The following XRRA1 variants were observed in gnomAD, a reference collection of about 807,000 sequenced individuals.
XRRA1 encodes the protein X-ray radiation resistance associated 1.
Under a neutral mutation model 80.2 loss-of-function variants are expected in XRRA1, and 69 were observed. That is an observed-to-expected ratio of 0.86 (90% CI 0.71 to 1.05). The LOEUF (loss-of-function observed/expected upper bound fraction) is 1.05, where lower values mean the gene tolerates loss of function less well. Ranked by LOEUF, XRRA1 falls within the 50% of genes least tolerant of loss-of-function variation. XRRA1 has a pLI of 0.00. For missense variants in XRRA1, 967 were observed against 976.4 expected, an observed-to-expected ratio of 0.99 and a Z score of 0.13; for synonymous variants, 348 against 389.9, an observed-to-expected ratio of 0.89 and a Z score of 1.27.
chr11:74,919,225 A>G (rs963004957), intron 8 of XRRA1, among the ~76,000 whole-genome samples: 3 of 152,202 alleles, frequency 2.0e-5, no homozygotes, highest in Non-Finnish European at 2.9e-5. Context: ...ATGAAATAAT[A>G]TGAAACATTT....
intron 8 of XRRA1, chr11:74,919,705 A>T (rs1241435560): frequency 1.9e-6 from 1 of 514,788 alleles, no homozygotes; most frequent in Non-Finnish European, 3.8e-6. Context: ...GGCTTCAAGA[A>T]GCATGCCCCT....
chr11:74,911,012 G>A (rs1004741546), intron 8 of XRRA1, among the ~76,000 whole-genome samples: 2 of 152,124 alleles, frequency 1.3e-5, no homozygotes, highest in African/African-American at 4.8e-5. Flanking sequence ...GGGGATGTGT[G>A]TGAGGAGTTT....
At chr11:74,917,403 T>TA (rs975340789) in intron 8 of XRRA1, among the ~76,000 whole-genome samples, 4 of 152,168 alleles carry the variant, frequency 2.6e-5, no homozygotes, top group Non-Finnish European at 5.9e-5. Context: ...AAACTTTTAA[T>TA]AGAGTGTGAA....
chr11:74,845,333 T>G, intron 15 of XRRA1, 62 bp from the exon 16 acceptor site: 1 of 1,516,208 alleles, frequency 6.6e-7, no homozygotes, highest in Non-Finnish European at 9.0e-7. Context: ...CCATGAACAT[T>G]CGGAGTATCA....
In XRRA1 at chr11:74,851,111, T is replaced by G. The variant is rs368010821; in HGVS notation, c.1357A>C (p.Met453Leu). 1.8e-4 allele frequency: 287 copies of G among 1,611,870 alleles called. No homozygotes were observed. Among genetic ancestry groups the G allele is most frequent in the Non-Finnish European group, 2.4e-4 (279 of 1,178,752 alleles). ...ACCTTCCATGATTCCTTCCGAGACA[T>G]CAAAACATGATGCTTAGGCTTTACT... The part of the protein sequence containing the change: ...KIVKPKHHVL[M>L]SRKESWKVKS... Residue 453 changes from methionine to leucine, a missense_variant, in exon 14 of 19, where the codon ATG (methionine) becomes CTG (leucine). Coordinates refer to ENST00000684022, the MANE Select transcript of XRRA1 (RefSeq NM_001378157.1).
chr11:74,907,014 G>T, intron 9 of XRRA1, 131 bp downstream of exon 9: 1 of 1,270,168 alleles, frequency 7.9e-7, no homozygotes, highest in Non-Finnish European at 1.1e-6. Flanking sequence ...ACTTACCCAT[G>T]GCCACACAGT....
intron 10 of XRRA1, among the ~76,000 whole-genome samples, chr11:74,889,532 G>A (rs1447611295): frequency 2.0e-5 from 3 of 152,148 alleles, no homozygotes; most frequent in African/African-American, 7.2e-5. Flanking sequence ...CATAATGACA[G>A]GATCAAATTC....
intron 10 of XRRA1, among the ~76,000 whole-genome samples, chr11:74,890,954 A>C (rs555574840): frequency 6.6e-5 from 10 of 152,238 alleles, no homozygotes; most frequent in Non-Finnish European, 1.2e-4. Flanking sequence ...ATGGATTCAC[A>C]GCTGAATTCT....
chr11:74,933,759 A>G (rs779224107), intron 5 of XRRA1, 42 bp downstream of exon 5: 300 of 1,547,220 alleles, frequency 1.9e-4, no homozygotes, highest in Non-Finnish European at 2.4e-4. Context: ...CGCCACCTCA[A>G]GTCTGGCTCA....
chr11:74,942,005 T>C (rs953568574), intron 2 of XRRA1, among the ~76,000 whole-genome samples: 3 of 151,730 alleles, frequency 2.0e-5, no homozygotes, highest in African/African-American at 7.3e-5. Context: ...CCCAGCTACT[T>C]GGGAGGCTGA....
intron 3 of XRRA1, among the ~76,000 whole-genome samples, chr11:74,938,273 T>C (rs1034538307): frequency 1.3e-5 from 2 of 152,138 alleles, no homozygotes; most frequent in Non-Finnish European, 2.9e-5. Flanking sequence ...TCATTTCCCA[T>C]TTCCATTATG....
intron 14 of XRRA1, 135 bp downstream of exon 14, chr11:74,850,953 G>A (rs2039673156): frequency 1.8e-6 from 1 of 542,656 alleles, no homozygotes; most frequent in African/African-American, 1.9e-5. Context: ...GCAAGGAAAG[G>A]AGAAGGCAAT....
At position 74,915,830 on chromosome 11, in the gene XRRA1, A is replaced by AT. The variant is rs2138662719; in HGVS notation, c.656+5383dup. ...TTCAACCTGCAAAACTCCCTCCAGT[A>AT]TTTACGCAGGGCGGGACTGGTGGTA... On this transcript the variant is annotated intron_variant, in intron 8 of 18. Transcript: ENST00000684022. Among the ~76,000 whole-genome samples the AT allele has an allele frequency of 1.3e-5, 2 of 152,208 alleles. 1 individual carries two copies. Among genetic ancestry groups the AT allele is most frequent in the South Asian group, 4.1e-4 (2 of 4,824 alleles).
chr11:74,923,531 T>C (rs2139069508), intron 7 of XRRA1, among the ~76,000 whole-genome samples: 1 of 152,292 alleles, frequency 6.6e-6, no homozygotes, highest in Admixed American at 6.5e-5. Context: ...CTCCTTAATA[T>C]CTCTCATGCT....
At position 74,843,447 on chromosome 11, in the gene XRRA1, A is replaced by G. The variant is rs753129666; in HGVS notation, c.2156T>C (p.Val719Ala). The G allele has an allele frequency of 6.2e-7, 1 of 1,611,676 alleles. No homozygotes were observed. Among genetic ancestry groups the G allele is most frequent in the Non-Finnish European group, 8.5e-7 (1 of 1,178,978 alleles). The change falls in exon 19 of 19, where the codon GTC (valine) becomes GCC (alanine). Residue 719 changes from valine (V) to alanine (A), a missense_variant. Transcript: ENST00000684022. ...CCGCCGTTCTGTCCACTGGTGCAGG[A>G]CAGCACCTGCAGGAAAAGAAGCCAG... ...RNITEAPLGA[V>A]LHQWTERRLV... is the part of the protein sequence containing the mutation.
chr11:74,912,480 A>T (rs552193882), intron 8 of XRRA1, among the ~76,000 whole-genome samples: 2 of 152,336 alleles, frequency 1.3e-5, no homozygotes, highest in East Asian at 3.9e-4. Flanking sequence ...ATTGGAATCC[A>T]AGGCATGCCA....
chr11:74,884,517 A>G (rs959056541), intron 10 of XRRA1, among the ~76,000 whole-genome samples: 3 of 152,144 alleles, frequency 2.0e-5, no homozygotes, highest in East Asian at 1.9e-4. Flanking sequence ...TTTGCACCCT[A>G]TGTAAATCAG....
chr11:74,866,119 A>G (rs1043633647), intron 10 of XRRA1, among the ~76,000 whole-genome samples: 1 of 152,264 alleles, frequency 6.6e-6, no homozygotes, highest in African/African-American at 2.4e-5. Context: ...CATCAGGAAT[A>G]TTCAGGGAAA....
intron 6 of XRRA1, among the ~76,000 whole-genome samples, chr11:74,927,738 G>A (rs1485743390): frequency 6.6e-6 from 1 of 152,142 alleles, no homozygotes; most frequent in Non-Finnish European, 1.5e-5. Flanking sequence ...AAAGAGCCAA[G>A]AATTGAATCT....
Sources: gnomAD v4.1 joint callset for allele counts (sites outside exome capture counted in the v4.1 genomes callset) on GRCh38, gnomAD v4.1.1 for gene constraint, MANE v1.5 for transcripts, NCBI Gene and HGNC (gene_info 2026-07-23, HGNC 2026-07-21) for gene names.